Variants in TRPM6 observed in about 807,000 individuals in gnomAD.
The protein encoded by TRPM6 is transient receptor potential cation channel subfamily M member 6, also known as channel kinase 2.
A neutral mutation model predicts 247.6 loss-of-function variants in TRPM6; 111 were observed. The ratio of observed to expected loss-of-function variants is 0.45; its 90% CI spans 0.38 to 0.52. TRPM6 has a LOEUF of 0.52. Ranked by LOEUF, TRPM6 falls within the 20% of genes least tolerant of loss-of-function variation. TRPM6 has a pLI of 0.00. For synonymous variants in TRPM6, 892 were observed against 853.8 expected (o/e 1.04, Z -0.78); for missense variants, 2,126 against 2,421.5 (o/e 0.88, Z 2.56).
At chr9:74,851,302 C>T (rs958292502) in intron 3 of TRPM6, among the ~76,000 whole-genome samples, 2 of 151,712 alleles carry the variant, frequency 1.3e-5, no homozygotes, top group African/African-American at 4.8e-5. Flanking sequence ...TGTCAATTCC[C>T]TCTCAAATTG....
intron 23 of TRPM6, among the ~76,000 whole-genome samples, chr9:74,778,185 C>G (rs943685538): frequency 6.6e-6 from 1 of 152,048 alleles, no homozygotes; most frequent in Non-Finnish European, 1.5e-5. Context: ...GAAAGGGCAC[C>G]CCCACCAGGG....
In TRPM6 at chr9:74,755,597, T is replaced by C. The variant is rs889694962; in HGVS notation, c.4786-124A>G. ...ACACTGGCTGCATATGACAATTGCCTGGGAAGTGCTGACAAATCCCATCAC... is the reference window on the plus strand; with the variant it reads ...ACACTGGCTGCATATGACAATTGCCCGGGAAGTGCTGACAAATCCCATCAC... On this transcript the variant is annotated intron_variant, in intron 27 of 38. Coordinates refer to ENST00000360774, the MANE Select transcript of TRPM6 (RefSeq NM_017662.5). 1.3e-5 allele frequency: 16 copies of C among 1,218,454 alleles called. No homozygotes were observed. In the African/African-American group the frequency reaches 2.1e-4, roughly 16 times the overall value. 75.5% of individuals were successfully genotyped at this position (1,218,454 alleles called of 1,614,324 possible). A position where few individuals can be genotyped will look rare whatever the true frequency, so the allele number is the denominator to read the frequency against.
chr9:74,735,043 T>C (rs1405301644), intron 36 of TRPM6, among the ~76,000 whole-genome samples: 1 of 151,960 alleles, frequency 6.6e-6, no homozygotes, highest in East Asian at 1.9e-4. Flanking sequence ...TGAAACCCCA[T>C]CACTATCACT....
At chr9:74,759,983 G>A (rs1467430092) in intron 27 of TRPM6, among the ~76,000 whole-genome samples, 1 of 152,166 alleles carries the variant, frequency 6.6e-6, no homozygotes, top group Admixed American at 6.5e-5. Context: ...ATACCGTCAT[G>A]CCCCGCATAA....
At position 74,763,128 on chromosome 9, in the gene TRPM6, T is replaced by C; in HGVS notation, c.3543A>G (p.Thr1181=). 2 of 1,610,066 alleles carry C rather than the reference T, an allele frequency of 1.2e-6. No homozygotes were observed. Among genetic ancestry groups the C allele is most frequent in the Non-Finnish European group, 1.7e-6 (2 of 1,179,988 alleles). ...ERIRVTSERV[T]EMYFQLKEMN... ...TTTCTTTCAGCTGGAAGTACATCTCTGTAACCCTAGTGGTGAAGGAAGGGA... is the reference window on the plus strand; with the variant it reads ...TTTCTTTCAGCTGGAAGTACATCTCCGTAACCCTAGTGGTGAAGGAAGGGA... Residue 1181 remains threonine, a synonymous_variant, in exon 26 of 39, where the codon ACA becomes ACG. Transcript: ENST00000360774.
At chr9:74,813,871 C>A (rs1240800672) in intron 11 of TRPM6, among the ~76,000 whole-genome samples, 1 of 152,114 alleles carries the variant, frequency 6.6e-6, no homozygotes, top group Non-Finnish European at 1.5e-5. Flanking sequence ...CTGAGGCAGG[C>A]ATATCACCTG....
chr9:74,852,756 G>A (rs1830377320), intron 3 of TRPM6, among the ~76,000 whole-genome samples: 1 of 152,216 alleles, frequency 6.6e-6, no homozygotes, highest in Non-Finnish European at 1.5e-5. Flanking sequence ...GCCTCCCGAG[G>A]TGCCGGGATT....
intron 1 of TRPM6, among the ~76,000 whole-genome samples, chr9:74,883,664 GA>G (rs911768462): frequency 2.4e-4 from 37 of 152,112 alleles, no homozygotes; most frequent in African/African-American, 8.5e-4. Context: ...ACTGTTAAGT[GA>G]AACAAGTTAC....
At chr9:74,734,709 T>A (rs1008440898) in intron 36 of TRPM6, among the ~76,000 whole-genome samples, 1 of 152,196 alleles carries the variant, frequency 6.6e-6, no homozygotes, top group African/African-American at 2.4e-5. Flanking sequence ...AAATTTTATT[T>A]CCTTATCACT....
chr9:74,843,739 C>A (rs1451101658), intron 3 of TRPM6, among the ~76,000 whole-genome samples: 1 of 148,458 alleles, frequency 6.7e-6, no homozygotes, highest in Non-Finnish European at 1.5e-5. Context: ...GGCATGAACC[C>A]AGGAGGTGGA....
Position 74,769,793 on chromosome 9 carries a change from A to AAGGAAGGG in TRPM6, c.3536+1909_3536+1910insCCCTTCCT, listed in dbSNP as rs71368678. ...GAAGGAAGGAAGGAAGGACGGAAGG[A>AAGGAAGGG]AGGGAGGGAGGGAGGAAGGAAACCA... On this transcript the variant is annotated intron_variant, in intron 25 of 38. Coordinates refer to ENST00000360774, the MANE Select transcript of TRPM6 (RefSeq NM_017662.5). Among the ~76,000 whole-genome samples the AAGGAAGGG allele has an allele frequency of 4.6e-4, 58 of 125,900 alleles. 1 individual carries two copies. Among genetic ancestry groups the AAGGAAGGG allele is most frequent in the African/African-American group, 1.3e-3 (34 of 26,012 alleles). The allele number at this position is 125,900 out of a possible 152,430, so 82.6% of individuals were successfully genotyped here. A position where few individuals can be genotyped will look rare whatever the true frequency, so the allele number is the denominator to read the frequency against.
intron 36 of TRPM6, among the ~76,000 whole-genome samples, chr9:74,733,205 G>GAA (rs1024093242): frequency 7.8e-6 from 1 of 128,292 alleles, no homozygotes. Flanking sequence ...CTATCTCAAA[G>GAA]AAAAAAAAAA....
chr9:74,872,849 T>C (rs1413171631), intron 1 of TRPM6, among the ~76,000 whole-genome samples: 1 of 152,210 alleles, frequency 6.6e-6, no homozygotes, highest in Non-Finnish European at 1.5e-5. Flanking sequence ...AAAGTCACCA[T>C]AAACTTTTGC....
intron 23 of TRPM6, among the ~76,000 whole-genome samples, chr9:74,776,901 AAGAT>A (rs1383005166): frequency 6.6e-6 from 1 of 152,244 alleles, no homozygotes; most frequent in African/African-American, 2.4e-5. Context: ...TATTTAGAGA[AAGAT>A]AGCAGAGTAG....
intron 5 of TRPM6, among the ~76,000 whole-genome samples, chr9:74,835,167 C>A (rs1429342183): frequency 6.6e-6 from 1 of 152,122 alleles, no homozygotes; most frequent in African/African-American, 2.4e-5. Context: ...TTTTGATCTG[C>A]ATTTCTCTGA....
intron 32 of TRPM6, among the ~76,000 whole-genome samples, chr9:74,743,606 G>A (rs1236559479): frequency 3.9e-5 from 6 of 152,204 alleles, no homozygotes; most frequent in Non-Finnish European, 8.8e-5. Context: ...GTGAAGTGAT[G>A]TTGCTTAAGA....
intron 18 of TRPM6, 64 bp from the exon 19 acceptor site, chr9:74,792,834 A>G: frequency 4.1e-6 from 6 of 1,449,754 alleles, no homozygotes; most frequent in Non-Finnish European, 4.8e-6. Context: ...ACAAGCATGA[A>G]CATCCAAAAA....
intron 6 of TRPM6, among the ~76,000 whole-genome samples, chr9:74,832,356 A>G (rs955080418): frequency 3.3e-5 from 5 of 152,178 alleles, no homozygotes; most frequent in African/African-American, 1.2e-4. Context: ...AATATATGAA[A>G]CTTTTTTGGA....
rs750133385 is a variant in TRPM6, at chr9:74,821,689, G to A, written c.990C>T (p.His330=). ...GRAADLLAFT[H]KHLADEGMLR... is the part of the protein sequence containing the mutation. Reference sequence around the variant, plus strand: ...CTCACCCTTCATCTGCCAGGTGTTTGTGTGTGAAGGCCAGGAGGTCAGCCG... The same window carrying A: ...CTCACCCTTCATCTGCCAGGTGTTTATGTGTGAAGGCCAGGAGGTCAGCCG... Residue 330 remains histidine, a synonymous_variant, in exon 8 of 39, where the codon CAC becomes CAT. Coordinates refer to ENST00000360774, the MANE Select transcript of TRPM6 (RefSeq NM_017662.5). 1.9e-6 allele frequency: 3 copies of A among 1,614,190 alleles called. No homozygotes were observed. In the East Asian group the frequency reaches 6.7e-5, roughly 36 times the overall value.
Sources: allele counts gnomAD v4.1 joint callset (sites outside exome capture counted in the v4.1 genomes callset), GRCh38; gene constraint gnomAD v4.1.1; transcripts MANE v1.5; gene names NCBI Gene and HGNC (gene_info 2026-07-23, HGNC 2026-07-21).